Variants in LOXHD1 observed in about 807,000 individuals in gnomAD.
LOXHD1 encodes the protein lipoxygenase homology domain-containing protein 1.
A neutral mutation model predicts 248.2 loss-of-function variants in LOXHD1; 205 were observed. The ratio of observed to expected loss-of-function variants is 0.83; its 90% CI spans 0.74 to 0.93. The LOEUF (loss-of-function observed/expected upper bound fraction) is 0.93. Ranked by LOEUF, LOXHD1 falls within the 40% of genes least tolerant of loss-of-function variation. The pLI is 0.00. For missense variants in LOXHD1, 2,930 were observed against 2,971.6 expected, an observed-to-expected ratio of 0.99 and a Z score of 0.33; for synonymous variants, 1,113 against 1,162.8, an observed-to-expected ratio of 0.96 and a Z score of 0.87.
intron 5 of LOXHD1, among the ~76,000 whole-genome samples, chr18:46,615,934 T>C (rs2038580273): frequency 6.6e-6 from 1 of 152,224 alleles, no homozygotes; most frequent in Admixed American, 6.5e-5. Context: ...CCTTTTGTCA[T>C]TGTCTATTTT....
chr18:46,486,640 G>A (rs1346080390), intron 38 of LOXHD1, among the ~76,000 whole-genome samples: 1 of 152,136 alleles, frequency 6.6e-6, no homozygotes, highest in Non-Finnish European at 1.5e-5. Flanking sequence ...AGGTACTGGT[G>A]AATTCAAAGA....
intron 26 of LOXHD1, among the ~76,000 whole-genome samples, chr18:46,535,457 G>C (rs950759758): frequency 2.0e-5 from 3 of 152,112 alleles, no homozygotes; most frequent in Admixed American, 6.5e-5. Flanking sequence ...GGATGGGGCA[G>C]CTACAACATC....
At chr18:46,634,343 A>G (rs2038865341) in intron 4 of LOXHD1, among the ~76,000 whole-genome samples, 1 of 152,248 alleles carries the variant, frequency 6.6e-6, no homozygotes, top group Non-Finnish European at 1.5e-5. Flanking sequence ...CAAATATTGT[A>G]TGATTCCACT....
intron 8 of LOXHD1, among the ~76,000 whole-genome samples, chr18:46,596,601 C>G (rs919421435): frequency 2.0e-5 from 3 of 152,250 alleles, no homozygotes; most frequent in East Asian, 1.9e-4. Flanking sequence ...CAAAGAGAAG[C>G]CTACCTTTTT....
At position 46,493,008 on chromosome 18, in the gene LOXHD1, T is replaced by A. The variant is rs73429145; in HGVS notation, c.5879-3866A>T. ...ATCCCCCAATGGCTCCTCATCACTG[T>A]CAGAATAAAATGCAAACTGCTCATC... On this transcript the variant is annotated intron_variant, in intron 37 of 40. Transcript: ENST00000642948. Among the ~76,000 whole-genome samples the A allele has an allele frequency of 6.5e-3, 995 of 152,310 alleles. 11 individuals carry two copies. The highest frequency in any genetic ancestry group is 0.023 in the African/African-American group (963 of 41,564).
At chr18:46,585,371 A>C (rs1297143246) in intron 12 of LOXHD1, among the ~76,000 whole-genome samples, 1 of 152,202 alleles carries the variant, frequency 6.6e-6, no homozygotes, top group African/African-American at 2.4e-5. Context: ...CAATATACCA[A>C]AATCGACTAT....
At chr18:46,559,725 A>C in intron 19 of LOXHD1, 123 bp from the exon 20 acceptor site, 1 of 1,123,364 alleles carries the variant, frequency 8.9e-7, no homozygotes, top group East Asian at 2.6e-5. Context: ...CATCTACACT[A>C]ACCTGGGACT....
In LOXHD1 at chr18:46,579,696, C is replaced by A; in HGVS notation, c.1743G>T (p.Val581=). The stretch of plus-strand genomic sequence containing the variant: ...AGAGCAGCCGTTCCCCCGTGTCCCC[C>A]ACATCACCAAAAAGGCAGAGATAGA... ...ANVYLCLFGD[V]GDTGERLLYN... Residue 581 remains valine (V), a synonymous_variant, in exon 13 of 41, where the codon GTG becomes GTT. Transcript: ENST00000642948. 6.4e-7 allele frequency: 1 copy of A among 1,551,768 alleles called. No individual in the cohort carries two copies. The highest frequency in any genetic ancestry group is 8.7e-7 in the Non-Finnish European group (1 of 1,147,008).
intron 21 of LOXHD1, chr18:46,556,758 G>A (rs561240835): frequency 1.6e-4 from 26 of 164,686 alleles, no homozygotes; most frequent in Non-Finnish European, 1.6e-4. Context: ...ATCCTCCAAC[G>A]TCACCCAGCC....
chr18:46,506,901 G>A (rs1301634416), intron 36 of LOXHD1, among the ~76,000 whole-genome samples: 4 of 152,102 alleles, frequency 2.6e-5, no homozygotes, highest in Non-Finnish European at 5.9e-5. Flanking sequence ...GGGAGTGTAG[G>A]TAGGAGGTAC....
intron 1 of LOXHD1, among the ~76,000 whole-genome samples, chr18:46,652,909 AG>A (rs2039130189): frequency 6.6e-6 from 1 of 152,242 alleles, no homozygotes; most frequent in Non-Finnish European, 1.5e-5. Context: ...TAACGCTGAA[AG>A]AAAAGCTAGA....
chr18:46,640,839 G>C (rs997842716), intron 3 of LOXHD1, among the ~76,000 whole-genome samples: 1 of 151,984 alleles, frequency 6.6e-6, no homozygotes, highest in Non-Finnish European at 1.5e-5. Context: ...CCTCTCCAAC[G>C]TCCAGTTTCT....
chr18:46,638,575 G>A (rs1490807348), intron 4 of LOXHD1, among the ~76,000 whole-genome samples: 1 of 152,226 alleles, frequency 6.6e-6, no homozygotes, highest in Non-Finnish European at 1.5e-5. Flanking sequence ...AGAGATCACA[G>A]TGAGCGAAGA....
chr18:46,600,201 T>C (rs1288155471), intron 8 of LOXHD1, among the ~76,000 whole-genome samples: 1 of 152,212 alleles, frequency 6.6e-6, no homozygotes, highest in East Asian at 1.9e-4. Flanking sequence ...GACAAATAAA[T>C]TGTAACTCAT....
chr18:46,542,658 A>AGATGC, intron 24 of LOXHD1, 69 bp downstream of exon 24: 1 of 1,523,824 alleles, frequency 6.6e-7, no homozygotes, highest in Non-Finnish European at 8.9e-7. Context: ...AATCTTTCCC[A>AGATGC]GATGCCCACA....
At chr18:46,642,568 C>G (rs2038976380) in intron 2 of LOXHD1, among the ~76,000 whole-genome samples, 2 of 152,356 alleles carry the variant, frequency 1.3e-5, no homozygotes, top group Middle Eastern at 6.8e-3. Flanking sequence ...AAACACTCAA[C>G]CCCAAACCAA....
At chr18:46,495,858 C>G (rs2033830011) in intron 37 of LOXHD1, among the ~76,000 whole-genome samples, 1 of 151,976 alleles carries the variant, frequency 6.6e-6, no homozygotes, top group South Asian at 2.1e-4. Context: ...ATGGTGAAAC[C>G]CTGTCTCTAC....
intron 5 of LOXHD1, among the ~76,000 whole-genome samples, chr18:46,614,333 T>G (rs1335739883): frequency 6.7e-6 from 1 of 149,962 alleles, no homozygotes; most frequent in East Asian, 1.9e-4. Flanking sequence ...TGTTCATCAA[T>G]GATAGACTGG....
chr18:46,573,817 C>T (rs938134378), intron 14 of LOXHD1, among the ~76,000 whole-genome samples: 2 of 152,190 alleles, frequency 1.3e-5, no homozygotes, highest in Non-Finnish European at 2.9e-5. Flanking sequence ...AAATGTTAGA[C>T]GACAACTAGG....
Sources: gnomAD v4.1 joint callset for allele counts (sites outside exome capture counted in the v4.1 genomes callset) on GRCh38, gnomAD v4.1.1 for gene constraint, MANE v1.5 for transcripts, NCBI Gene and HGNC (gene_info 2026-07-23, HGNC 2026-07-21) for gene names.